The following ZNF420 variants were observed in gnomAD, a reference collection of about 807,000 sequenced individuals.
The protein encoded by ZNF420 is ATM and p53-associated KZNF protein.
ZNF420 carries 31 observed loss-of-function variants against 44.7 expected under a neutral mutation model. The ratio of observed to expected loss-of-function variants is 0.69; its 90% CI spans 0.52 to 0.94. The LOEUF is 0.94. ZNF420 is among the 40% of genes least tolerant of loss of function. The pLI is 0.00. For synonymous variants in ZNF420, 245 were observed against 267.4 expected, an observed-to-expected ratio of 0.92 and a Z score of 0.82; for missense variants, 681 against 827.9, an observed-to-expected ratio of 0.82 and a Z score of 2.18.
intron 1 of ZNF420, among the ~76,000 whole-genome samples, chr19:37,062,349 C>T (rs1052389385): frequency 1.3e-5 from 2 of 152,004 alleles, no homozygotes; most frequent in Non-Finnish European, 2.9e-5. Context: ...TTTTTGAGAC[C>T]AGAGTAAAGA....
chr19:37,044,354 A>G (rs1329934955), intron 1 of ZNF420, among the ~76,000 whole-genome samples: 1 of 151,906 alleles, frequency 6.6e-6, no homozygotes, highest in Non-Finnish European at 1.5e-5. Context: ...TTATCTTTGT[A>G]AAAACAAACA....
chr19:37,075,603 G>A (rs995646642), upstream of ZNF420, among the ~76,000 whole-genome samples: 3 of 151,966 alleles, frequency 2.0e-5, no homozygotes, highest in African/African-American at 7.2e-5. Flanking sequence ...TTAGCTGGGC[G>A]TAGTGGCAGG....
intron 4 of ZNF420, among the ~76,000 whole-genome samples, chr19:37,124,153 TTTTGC>T (rs1203221024): frequency 6.6e-6 from 1 of 152,158 alleles, no homozygotes; most frequent in African/African-American, 2.4e-5. Flanking sequence ...ATCCATATAG[TTTTGC>T]TTTGTCAAGA....
intron 1 of ZNF420, among the ~76,000 whole-genome samples, chr19:37,060,430 A>G (rs1320679218): frequency 6.6e-6 from 1 of 152,062 alleles, no homozygotes; most frequent in Non-Finnish European, 1.5e-5. Flanking sequence ...ACTGTGCTGT[A>G]TCCTGCCTGG....
intron 1 of ZNF420, among the ~76,000 whole-genome samples, chr19:37,064,621 T>G (rs1181516398): frequency 6.6e-6 from 1 of 152,240 alleles, no homozygotes; most frequent in African/African-American, 2.4e-5. Context: ...GAAACATATT[T>G]GATCAGTCCC....
chr19:37,054,914 C>G (rs1371969008), intron 1 of ZNF420, among the ~76,000 whole-genome samples: 1 of 152,152 alleles, frequency 6.6e-6, no homozygotes, highest in Non-Finnish European at 1.5e-5. Context: ...AGCAGCAGGT[C>G]CTTGAAGCCT....
intron 1 of ZNF420, among the ~76,000 whole-genome samples, chr19:37,048,117 T>C (rs1693172475): frequency 6.8e-6 from 1 of 148,022 alleles, no homozygotes; most frequent in African/African-American, 2.6e-5. Flanking sequence ...GAAAGGCACT[T>C]TTATTGTGGG....
intron 1 of ZNF420, among the ~76,000 whole-genome samples, chr19:37,059,674 G>A (rs987363831): frequency 6.6e-6 from 1 of 152,190 alleles, no homozygotes; most frequent in Non-Finnish European, 1.5e-5. Flanking sequence ...GGACAGGTCT[G>A]CCTGTGTGCT....
At chr19:37,014,902 G>A (rs1324648765) in intron 1 of ZNF420, among the ~76,000 whole-genome samples, 1 of 152,174 alleles carries the variant, frequency 6.6e-6, no homozygotes, top group Non-Finnish European at 1.5e-5. Flanking sequence ...GTCAAGCAGG[G>A]CCCCAAGAAT....
At chr19:37,048,648 C>A (rs1298096089) in intron 1 of ZNF420, among the ~76,000 whole-genome samples, 1 of 152,140 alleles carries the variant, frequency 6.6e-6, no homozygotes, top group South Asian at 2.1e-4. Flanking sequence ...AGGAATTCCT[C>A]AGATGAGAGT....
chr19:37,104,930 T>C (rs1568460995), intron 4 of ZNF420, among the ~76,000 whole-genome samples: 1 of 152,246 alleles, frequency 6.6e-6, no homozygotes, highest in East Asian at 1.9e-4. Context: ...TGCAAACATT[T>C]TCTCCCATTC....
chr19:37,087,292 AATAAATAAATAAATAAAT>A (rs1337617042), intron 2 of ZNF420, among the ~76,000 whole-genome samples: 36 of 73,514 alleles, frequency 4.9e-4, no homozygotes, highest in African/African-American at 1.9e-3. Flanking sequence ...CAAAAAAAAA[AATAAATAAATAAATAAAT>A]AAATAAATAA....
At chr19:37,014,852 A>G (rs944537329) in intron 1 of ZNF420, among the ~76,000 whole-genome samples, 7 of 152,298 alleles carry the variant, frequency 4.6e-5, no homozygotes, top group Middle Eastern at 3.4e-3. Flanking sequence ...TGATCCCACA[A>G]TCCTTGGAGA....
At chr19:37,124,898 A>G (rs540493086) in intron 4 of ZNF420, among the ~76,000 whole-genome samples, 12 of 151,882 alleles carry the variant, frequency 7.9e-5, no homozygotes, top group Non-Finnish European at 1.0e-4. Context: ...GTGCAGTGGC[A>G]TGATCTCGGC....
At chr19:37,047,215 C>T (rs1182123244) in intron 1 of ZNF420, among the ~76,000 whole-genome samples, 1 of 152,194 alleles carries the variant, frequency 6.6e-6, no homozygotes, top group Non-Finnish European at 1.5e-5. Context: ...ATGTGTCTCC[C>T]TAAAACTCAT....
chr19:37,031,332 C>T (rs746768511), intron 1 of ZNF420, among the ~76,000 whole-genome samples: 3 of 152,064 alleles, frequency 2.0e-5, no homozygotes, highest in Non-Finnish European at 4.4e-5. Context: ...CTGTGTGATA[C>T]CTATCCAGGT....
At chr19:37,082,284 T>TCCC (rs1323329406) in intron 2 of ZNF420, among the ~76,000 whole-genome samples, 9 of 152,144 alleles carry the variant, frequency 5.9e-5, no homozygotes, top group Admixed American at 5.9e-4. Context: ...TGCCTCAGCC[T>TCCC]CCCAAGTAGC....
intron 4 of ZNF420, among the ~76,000 whole-genome samples, chr19:37,099,654 C>T (rs1051689794): frequency 5.3e-5 from 8 of 152,028 alleles, no homozygotes; most frequent in South Asian, 2.1e-4. Context: ...GATGGAGTCT[C>T]GCTCTGTCAC....
rs777983598 is a variant in ZNF420 at position 37,018,673 on chromosome 19, T to C, written c.-125+10591T>C. Among the ~76,000 whole-genome samples, 8 of 152,336 alleles carry C rather than the reference T, an allele frequency of 5.3e-5. No individual in the cohort carries two copies. In the South Asian group the frequency reaches 6.2e-4, roughly 12 times the overall value. The stretch of plus-strand genomic sequence containing the variant: ...ACTTCTGCCTCCTGGGTTTAAGTAA[T>C]TCTCCTGCCTCAGCCTCCTGAGTAG... On this transcript the variant is annotated intron_variant, in intron 1 of 4. Coordinates refer to the ZNF420 transcript ENST00000587029.
Sources: gnomAD v4.1 joint callset for allele counts (sites outside exome capture counted in the v4.1 genomes callset) on GRCh38, gnomAD v4.1.1 for gene constraint, MANE v1.5 for transcripts, NCBI Gene and HGNC (gene_info 2026-07-23, HGNC 2026-07-21) for gene names.